Variants in EPG5 observed in about 807,000 individuals in gnomAD.
The protein encoded by EPG5 is ectopic P granules protein 5 homolog.
EPG5 carries 159 observed loss-of-function variants against 302.7 expected under a neutral mutation model. The ratio of observed to expected loss-of-function variants is 0.53; its 90% confidence interval spans 0.46 to 0.60. The LOEUF is 0.60. EPG5 is among the 20% of genes least tolerant of loss of function. The pLI, the probability that EPG5 is intolerant of heterozygous loss-of-function variation, is 0.00. For missense variants in EPG5, 2,896 were observed against 3,092.4 expected, an observed-to-expected ratio of 0.94 and a Z score of 1.51; for synonymous variants, 1,158 against 1,136.8, an observed-to-expected ratio of 1.02 and a Z score of -0.37.
rs575407633 is a variant in EPG5, at chr18:45,912,533, A to T, written c.3817-77T>A. The T allele has an allele frequency of 3.8e-6, 5 of 1,318,688 alleles. No homozygotes were observed. The East Asian group carries it at 1.2e-4, about 33-fold the overall frequency. The allele number at this position is 1,318,688 out of a possible 1,614,324, so 81.7% of individuals were successfully genotyped here. A position where few individuals can be genotyped will look rare whatever the true frequency, so the allele number is the denominator to read the frequency against. ...CGGTTAACTCTTTCTAAGTGATCCA[A>T]CTGAAACACCAAACATTCTGTTTTC... On this transcript the variant is annotated intron_variant, in intron 21 of 43. Coordinates refer to ENST00000282041, the MANE Select transcript of EPG5 (RefSeq NM_020964.3).
chr18:45,954,279 A>G, intron 2 of EPG5, 115 bp downstream of exon 2: 1 of 960,420 alleles, frequency 1.0e-6, no homozygotes, highest in Non-Finnish European at 1.6e-6. Flanking sequence ...CCTGCACTCT[A>G]TTACTCTAGG....
the EPG5 span, among the ~76,000 whole-genome samples, chr18:45,839,353 C>T: frequency 3.9e-5 from 6 of 152,182 alleles, no homozygotes; most frequent in Non-Finnish European, 8.8e-5. Context: ...ATATAGAGAC[C>T]CAGACCCGGT....
At chr18:45,862,908 A>T (rs1332707015) in intron 39 of EPG5, among the ~76,000 whole-genome samples, 1 of 152,244 alleles carries the variant, frequency 6.6e-6, no homozygotes, top group African/African-American at 2.4e-5. Flanking sequence ...TAAGTATTTT[A>T]AATTTCTATT....
chr18:45,865,817 G>T, intron 38 of EPG5, 58 bp from the exon 39 acceptor site: 1 of 1,551,856 alleles, frequency 6.4e-7, no homozygotes. Context: ...AGTGTTAACT[G>T]CATATTTCCT....
At chr18:45,857,051 T>TG (rs1437677617) in intron 42 of EPG5, among the ~76,000 whole-genome samples, 1 of 152,184 alleles carries the variant, frequency 6.6e-6, no homozygotes, top group Non-Finnish European at 1.5e-5. Context: ...CCTGAGTAGC[T>TG]GGGACTACAG....
chr18:45,922,320 T>C, intron 16 of EPG5, 21 bp downstream of exon 16: 2 of 1,611,558 alleles, frequency 1.2e-6, no homozygotes, highest in South Asian at 1.1e-5. Flanking sequence ...GTAACCCTAG[T>C]GGTTCAGCCC....
At chr18:45,964,596 T>C (rs1282995342) in intron 1 of EPG5, among the ~76,000 whole-genome samples, 1 of 152,204 alleles carries the variant, frequency 6.6e-6, no homozygotes, top group Admixed American at 6.5e-5. Context: ...TATGCATAGC[T>C]GGCCAATGGC....
chr18:45,861,200 A>G (rs1411163132), intron 39 of EPG5, among the ~76,000 whole-genome samples: 1 of 152,208 alleles, frequency 6.6e-6, no homozygotes. Context: ...CCCTCACTTA[A>G]TCTTTCTGTA....
intron 27 of EPG5, 54 bp downstream of exon 27, chr18:45,899,350 A>G (rs2049551843): frequency 2.5e-6 from 4 of 1,597,602 alleles, no homozygotes; most frequent in Non-Finnish European, 3.4e-6. Flanking sequence ...TGATAAGCCA[A>G]CATTACGGAC....
At chr18:45,914,872 C>T (rs1052400765) in intron 20 of EPG5, among the ~76,000 whole-genome samples, 2 of 151,914 alleles carry the variant, frequency 1.3e-5, no homozygotes, top group Non-Finnish European at 1.5e-5. Context: ...TCCCCAAATA[C>T]TAGGGAGGCT....
Position 45,964,031 on chromosome 18 carries a change from C to T in EPG5, c.63+3146G>A, listed in dbSNP as rs79232325. Reference sequence around the variant, plus strand: ...TAGATGTCAAGGATTTTTGGTTTGCCCAAATGCCTCTGAAATAAAGGCCTC... The same window carrying T: ...TAGATGTCAAGGATTTTTGGTTTGCTCAAATGCCTCTGAAATAAAGGCCTC... On this transcript the variant is annotated intron_variant, in intron 1 of 43. Transcript: ENST00000282041. 6.9e-3 allele frequency among the ~76,000 whole-genome samples: 1,053 copies of T among 151,946 alleles called. 9 individuals carry two copies. Among genetic ancestry groups the T allele is most frequent in the African/African-American group, 0.024 (989 of 41,414 alleles).
At chr18:45,842,464 C>G in the EPG5 span, 1 of 392,986 alleles carries the variant, frequency 2.5e-6, no homozygotes. Context: ...AGAGAGAGTA[C>G]ACGCATTAGC....
chr18:45,819,642 T>A, the EPG5 span, among the ~76,000 whole-genome samples: 1 of 152,214 alleles, frequency 6.6e-6, no homozygotes, highest in Non-Finnish European at 1.5e-5. Context: ...CCTCAGAGGA[T>A]GCACATTAAT....
At chr18:45,820,836 A>G in the EPG5 span, among the ~76,000 whole-genome samples, 3 of 152,232 alleles carry the variant, frequency 2.0e-5, no homozygotes, top group Non-Finnish European at 4.4e-5. Context: ...GGGAATATAA[A>G]TCACAATGGC....
the EPG5 span, among the ~76,000 whole-genome samples, chr18:45,829,477 G>A: frequency 1.3e-5 from 2 of 152,208 alleles, no homozygotes; most frequent in East Asian, 1.9e-4. Context: ...CCAAGGGGCA[G>A]GAGGGGAAGG....
At chr18:45,894,453 AAATAATAAT>A (rs200011992) in intron 27 of EPG5, among the ~76,000 whole-genome samples, 7 of 151,108 alleles carry the variant, frequency 4.6e-5, no homozygotes, top group Admixed American at 4.0e-4. Context: ...CTCTGCCTCA[AAATAATAAT>A]AATAATAATA....
In EPG5 at chr18:45,847,945, A is replaced by T. The variant is rs962673326; in HGVS notation, c.*4522T>A. On this transcript the variant is annotated 3_prime_UTR_variant, in exon 44 of 44. Transcript: ENST00000282041. ...AAAAATAAAAGTTATAATCAACAAC[A>T]TTCCTTCGCAATTTCATTATCCCAA... 5 of 152,648 alleles carry T rather than the reference A, an allele frequency of 3.3e-5. No homozygotes were observed. The highest frequency in any genetic ancestry group is 1.2e-4 in the African/African-American group (5 of 41,462). 9.5% of individuals were successfully genotyped at this position (152,648 alleles called of 1,614,324 possible).
the EPG5 span, chr18:45,839,026 G>T: frequency 3.8e-6 from 6 of 1,575,578 alleles, no homozygotes; most frequent in Admixed American, 8.8e-5. Context: ...CCTCCTGCTC[G>T]GCGCTCTCGG....
chr18:45,829,090 C>G, the EPG5 span: 2 of 985,864 alleles, frequency 2.0e-6, no homozygotes, highest in Non-Finnish European at 2.4e-6. Flanking sequence ...CCAGCAGAGA[C>G]AGGCTACATC....
Sources: allele counts gnomAD v4.1 joint callset (sites outside exome capture counted in the v4.1 genomes callset), GRCh38; gene constraint gnomAD v4.1.1; transcripts MANE v1.5; gene names NCBI Gene and HGNC (gene_info 2026-07-23, HGNC 2026-07-21).